ADGRB3: variants seen among roughly 807,000 people sequenced by gnomAD.
ADGRB3 encodes the protein adhesion G protein-coupled receptor B3.
ADGRB3 carries 37 observed loss-of-function variants against 193.4 expected under a neutral mutation model. The ratio of observed to expected loss-of-function variants is 0.19; its 90% confidence interval spans 0.15 to 0.25. The LOEUF is 0.25. Ranked by LOEUF, ADGRB3 falls within the 10% of genes least tolerant of loss-of-function variation. The probability of loss-of-function intolerance (pLI) is 1.00; values close to 1 mark genes in which losing one functional copy is unlikely to be tolerated. For missense variants in ADGRB3, 1,637 were observed against 1,852.9 expected (o/e 0.88, Z 2.14); for synonymous variants, 690 against 644.2 (o/e 1.07, Z -1.08).
intron 17 of ADGRB3, among the ~76,000 whole-genome samples, chr6:69,097,600 C>T (rs1753837100): frequency 6.6e-6 from 1 of 151,952 alleles, no homozygotes; most frequent in South Asian, 2.1e-4. Flanking sequence ...CACATGTTTT[C>T]CTTAAAGCTA....
intron 5 of ADGRB3, among the ~76,000 whole-genome samples, chr6:68,941,362 AATG>A (rs1345307014): frequency 6.6e-6 from 1 of 152,178 alleles, no homozygotes; most frequent in African/African-American, 2.4e-5. Flanking sequence ...TCTTTTTTAA[AATG>A]ATGTGAATGA....
chr6:69,232,301 G>T, intron 17 of ADGRB3: 1 of 757,926 alleles, frequency 1.3e-6, no homozygotes, highest in Non-Finnish European at 1.9e-6. Flanking sequence ...TCTTCCTGTA[G>T]TGTAGTTCTG....
Position 68,978,230 on chromosome 6 carries a change from G to T in ADGRB3, c.1734+2890G>T, listed in dbSNP as rs148452926. ...TTGTTTCAATAAGAATAAAATTTTG[G>T]AACTCAACATATTGTTAATTTGAGC... On this transcript the variant is annotated intron_variant, in intron 10 of 31. Transcript: ENST00000370598. 2.0e-3 allele frequency among the ~76,000 whole-genome samples: 302 copies of T among 151,420 alleles called. 5 individuals carry two copies. The highest frequency in any genetic ancestry group is 0.01 in the Middle Eastern group (3 of 292).
chr6:69,322,832 GATAA>G (rs1768490144), intron 20 of ADGRB3, among the ~76,000 whole-genome samples: 1 of 151,862 alleles, frequency 6.6e-6, no homozygotes, highest in Non-Finnish European at 1.5e-5. Flanking sequence ...GCAATTTAAG[GATAA>G]ATAGTTTATC....
chr6:69,118,937 T>C (rs1165251763), intron 17 of ADGRB3, among the ~76,000 whole-genome samples: 1 of 152,174 alleles, frequency 6.6e-6, no homozygotes, highest in African/African-American at 2.4e-5. Context: ...GAGTATATGA[T>C]AAATATGCTG....
intron 3 of ADGRB3, among the ~76,000 whole-genome samples, chr6:68,724,690 C>CT (rs1210166067): frequency 6.7e-6 from 1 of 148,778 alleles, no homozygotes; most frequent in African/African-American, 2.5e-5. Context: ...TAAAAACTCA[C>CT]TTTTCCTGAA....
intron 11 of ADGRB3, 42 bp downstream of exon 11, chr6:68,994,004 G>A (rs1173211164): frequency 3.8e-6 from 6 of 1,591,470 alleles, no homozygotes; most frequent in Non-Finnish European, 5.1e-6. Context: ...TAGTGAAGAT[G>A]CAATCAGTTT....
chr6:69,084,204 C>T (rs1402060092), intron 17 of ADGRB3, among the ~76,000 whole-genome samples: 1 of 152,110 alleles, frequency 6.6e-6, no homozygotes, highest in Non-Finnish European at 1.5e-5. Context: ...GTTATCCCAA[C>T]TATCCAGTTA....
At chr6:69,232,286 T>G in intron 17 of ADGRB3, 1 of 674,588 alleles carries the variant, frequency 1.5e-6, no homozygotes, top group South Asian at 3.8e-5. Context: ...TTTTTTCTTT[T>G]TCTCTCTTCC....
At chr6:68,886,555 A>G (rs1328915688) in intron 3 of ADGRB3, among the ~76,000 whole-genome samples, 1 of 152,110 alleles carries the variant, frequency 6.6e-6, no homozygotes, top group Non-Finnish European at 1.5e-5. Flanking sequence ...ATGAAGTATA[A>G]TACATAACCT....
chr6:68,969,618 G>A (rs1021418722), intron 8 of ADGRB3, among the ~76,000 whole-genome samples: 3 of 152,054 alleles, frequency 2.0e-5, no homozygotes, highest in Non-Finnish European at 4.4e-5. Context: ...GGATTAAGGG[G>A]GCAGATGGAG....
At chr6:68,978,862 G>T (rs60159159) in intron 10 of ADGRB3, among the ~76,000 whole-genome samples, 9,916 of 151,108 alleles carry the variant, frequency 0.066, 1,054 homozygotes, top group African/African-American at 0.21. Context: ...ATAATCTACT[G>T]TAGAAAAATA....
chr6:68,964,655 T>G (rs1768327386), intron 8 of ADGRB3, among the ~76,000 whole-genome samples: 1 of 152,188 alleles, frequency 6.6e-6, no homozygotes, highest in Admixed American at 6.6e-5. Context: ...TAGCTAATTT[T>G]TTAATTAACT....
At chr6:68,761,106 T>C (rs1451204168) in intron 3 of ADGRB3, among the ~76,000 whole-genome samples, 1 of 152,174 alleles carries the variant, frequency 6.6e-6, no homozygotes, top group African/African-American at 2.4e-5. Context: ...CTGGTGATCC[T>C]AAGAAACAGG....
intron 20 of ADGRB3, among the ~76,000 whole-genome samples, chr6:69,283,770 TA>T (rs1767489909): frequency 6.6e-6 from 1 of 152,296 alleles, no homozygotes; most frequent in African/African-American, 2.4e-5. Context: ...TGCAATCAAA[TA>T]GATTTGCAGA....
At chr6:69,230,702 A>T (rs180732792) in intron 17 of ADGRB3, among the ~76,000 whole-genome samples, 230 of 152,334 alleles carry the variant, frequency 1.5e-3, no homozygotes, top group African/African-American at 5.1e-3. Context: ...GATATCACAC[A>T]TCTTACTTAT....
At chr6:69,369,932 A>G (rs979176807) in intron 29 of ADGRB3, among the ~76,000 whole-genome samples, 4 of 152,134 alleles carry the variant, frequency 2.6e-5, no homozygotes, top group African/African-American at 9.7e-5. Flanking sequence ...TTATGCTTAG[A>G]AAGTCAGACT....
intron 17 of ADGRB3, among the ~76,000 whole-genome samples, chr6:69,209,597 A>G (rs1765610967): frequency 1.3e-5 from 2 of 152,242 alleles, no homozygotes; most frequent in Non-Finnish European, 2.9e-5. Context: ...GTCTCTCTGA[A>G]TAAGATTATG....
chr6:68,705,008 G>A (rs903158631), intron 3 of ADGRB3, among the ~76,000 whole-genome samples: 2 of 152,148 alleles, frequency 1.3e-5, no homozygotes, highest in African/African-American at 4.8e-5. Flanking sequence ...ATAGTTACCA[G>A]AGAAAAGAAA....
Sources: gnomAD v4.1 joint callset for allele counts (sites outside exome capture counted in the v4.1 genomes callset) on GRCh38, gnomAD v4.1.1 for gene constraint, MANE v1.5 for transcripts, NCBI Gene and HGNC (gene_info 2026-07-23, HGNC 2026-07-21) for gene names.